The following LRP10 variants were observed in gnomAD, a reference collection of about 807,000 sequenced individuals.
LRP10 encodes low-density lipoprotein receptor-related protein 10.
Under a neutral mutation model 58.5 loss-of-function variants are expected in LRP10, and 42 were observed. That is an observed-to-expected ratio of 0.72 (90% CI 0.56 to 0.93). LRP10 has a LOEUF of 0.93. LRP10 is among the 40% of genes least tolerant of loss of function. The pLI, the probability that LRP10 is intolerant of heterozygous loss-of-function variation, is 0.00. For synonymous variants in LRP10, 377 were observed against 388.5 expected (o/e 0.97, Z 0.35); for missense variants, 872 against 940.1 (o/e 0.93, Z 0.95).
At chr14:22,872,468 G>A in intron 1 of LRP10, 131 bp downstream of exon 1, 1 of 1,057,528 alleles carries the variant, frequency 9.5e-7, no homozygotes, top group Non-Finnish European at 1.4e-6. Flanking sequence ...CCCCAGCACT[G>A]CCGGCCCCAA....
At position 22,876,380 on chromosome 14, in the gene LRP10, G is replaced by A. The variant is rs146010729; in HGVS notation, c.1424+8G>A. 107 of 1,611,494 alleles carry A rather than the reference G, an allele frequency of 6.6e-5. 1 individual carries two copies. In the East Asian group the frequency reaches 2.0e-3, roughly 30 times the overall value. ...TCGCACCCAGGAGTACAGGTCAGTG[G>A]GAGTGGGGCTGGCAGTAGAAGAGTA... On this transcript the variant is annotated splice_region_variant and intron_variant, in intron 5 of 6. Coordinates refer to ENST00000359591, the MANE Select transcript of LRP10 (RefSeq NM_014045.5).
chr14:22,875,715 C>T lies in LRP10; in HGVS notation c.767C>T (p.Pro256Leu), dbSNP rs777356161. 1.9e-6 allele frequency: 3 copies of T among 1,613,754 alleles called. No homozygotes were observed. The highest frequency in any genetic ancestry group is 8.5e-7 in the Non-Finnish European group (1 of 1,179,788). ...CATGTGTATGACGGCCCTGGGCCCC[C>T]TGAGAGCTCCCGACTACTGCGTAGT... ...AVHVYDGPGPPESSRLLRSLT... is the reference protein window; with the variant it reads ...AVHVYDGPGPLESSRLLRSLT... Residue 256 changes from proline (P) to leucine (L), a missense_variant, in exon 5 of 7, where the codon CCT (proline) becomes CTT (leucine). By Grantham distance (98) the Pro-to-Leu change is moderately conservative. Transcript: ENST00000359591.
rs2039962029 is a variant in LRP10, at chr14:22,872,251, C to T, written c.-53C>T. 2 of 1,604,624 alleles carry T rather than the reference C, an allele frequency of 1.2e-6. No individual in the cohort carries two copies. Among genetic ancestry groups the T allele is most frequent in the South Asian group, 2.2e-5 (2 of 90,902 alleles). On this transcript the variant is annotated 5_prime_UTR_variant, in exon 1 of 7. Transcript: ENST00000359591. Reference sequence around the variant, plus strand: ...GCCCGGGGCTCCGCCGCGACCCCATCGGGTAGACCACAGAAGCTCCGGGAC... The same window carrying T: ...GCCCGGGGCTCCGCCGCGACCCCATTGGGTAGACCACAGAAGCTCCGGGAC...
intron 2 of LRP10, chr14:22,873,054 C>T (rs2039972074): frequency 1.7e-6 from 1 of 599,578 alleles, no homozygotes; most frequent in East Asian, 2.8e-5. Flanking sequence ...TCCTGCTCCT[C>T]CTGGTTCAGT....
Position 22,877,131 on chromosome 14 carries a change from C to G in LRP10, c.1746C>G (p.Val582=), listed in dbSNP as rs774124886. ...GGGCCTCTGAGGCCAGATCCCAGGT[C>G]ACACCTTCTGCTGCTCCCCTTGAGG... ...PARASEARSQ[V]TPSAAPLEAL... Residue 582 remains valine (V), a synonymous_variant, in exon 7 of 7, where the codon GTC becomes GTG. Transcript: ENST00000359591. This position sits in a 1 kb window ranked among gnomAD's most constrained non-coding sequence, Gnocchi z 5.1. The G allele has an allele frequency of 5.0e-6, 8 of 1,611,452 alleles. No homozygotes were observed. In the East Asian group the frequency reaches 1.6e-4, roughly 31 times the overall value.
Position 22,873,445 on chromosome 14 carries a change from A to T in LRP10, c.214A>T (p.Arg72Trp), listed in dbSNP as rs1322080500. Residue 72 changes from arginine to tryptophan, a missense_variant and splice_region_variant, in exon 3 of 7, where the codon AGG becomes TGG. Arg to Trp is a moderately radical substitution (Grantham distance 101). Coordinates refer to ENST00000359591, the MANE Select transcript of LRP10 (RefSeq NM_014045.5). Reference sequence around the variant, plus strand: ...CAGCAAGGAACAGACTGTCACCATCAGGTGAGAAGCAGAACAAGAGCAAGA... The same window carrying T: ...CAGCAAGGAACAGACTGTCACCATCTGGTGAGAAGCAGAACAAGAGCAAGA... ...LGSKEQTVTI[R>W]FQKLHLACGS... The T allele has an allele frequency of 6.2e-7, 1 of 1,613,872 alleles. No homozygotes were observed. The highest frequency in any genetic ancestry group is 1.1e-5 in the South Asian group (1 of 91,062).
rs758132553 is a variant in LRP10 at position 22,881,434 on chromosome 14, A to G, written c.*3907A>G. ...TATCTGCAATATAATAATTTTCTGC[A>G]TAACTGAGGATCATTCACAGAAACC... On this transcript the variant is annotated 3_prime_UTR_variant, in exon 7 of 7. Coordinates refer to ENST00000359591, the MANE Select transcript of LRP10 (RefSeq NM_014045.5). The G allele has an allele frequency of 7.9e-5, 12 of 152,272 alleles. No homozygotes were observed. Among genetic ancestry groups the G allele is most frequent in the African/African-American group, 1.2e-4 (5 of 41,468 alleles). The allele number at this position is 152,272 out of a possible 1,614,324, so 9.4% of individuals were successfully genotyped here.
chr14:22,877,870 C>T lies in LRP10; in HGVS notation c.*343C>T, dbSNP rs1473170827. Reference sequence around the variant, plus strand: ...TGGACACTCCATCCTTGCCAAACCTCTACCCAAAAGTGGCCTTAAGCACCG... The same window carrying T: ...TGGACACTCCATCCTTGCCAAACCTTTACCCAAAAGTGGCCTTAAGCACCG... On this transcript the variant is annotated 3_prime_UTR_variant, in exon 7 of 7. Coordinates refer to ENST00000359591, the MANE Select transcript of LRP10 (RefSeq NM_014045.5). The surrounding 1 kb of genome is among the most constrained non-coding windows in gnomAD (Gnocchi z 5.1). The T allele has an allele frequency of 5.1e-6, 1 of 196,852 alleles. No individual in the cohort carries two copies. The highest frequency in any genetic ancestry group is 1.0e-5 in the Non-Finnish European group (1 of 97,788). 12.2% of individuals were successfully genotyped at this position (196,852 alleles called of 1,614,324 possible). A position where few individuals can be genotyped will look rare whatever the true frequency, so the allele number is the denominator to read the frequency against.
rs1182438913 is a variant in LRP10, at chr14:22,871,923, C to T, written c.-381C>T. The T allele has an allele frequency of 3.1e-6, 1 of 324,470 alleles. No homozygotes were observed. Among genetic ancestry groups the T allele is most frequent in the Non-Finnish European group, 5.7e-6 (1 of 174,494 alleles). 20.1% of individuals were successfully genotyped at this position (324,470 alleles called of 1,614,324 possible). On this transcript the variant is annotated 5_prime_UTR_variant, in exon 1 of 7. Coordinates refer to ENST00000359591, the MANE Select transcript of LRP10 (RefSeq NM_014045.5). ...GGGCTGACAGTCGGCAAAGTTTGGC[C>T]CGAAGAGGAAGTGGTCTCAAACCCC...
rs957177438 is a variant in LRP10 at position 22,875,074 on chromosome 14, G to A, written c.235G>A (p.Ala79Thr). The A allele has an allele frequency of 6.3e-7, 1 of 1,586,276 alleles. No individual in the cohort carries two copies. Among genetic ancestry groups the A allele is most frequent in the Non-Finnish European group, 8.6e-7 (1 of 1,165,160 alleles). The stretch of plus-strand genomic sequence containing the variant: ...CCATAGGTTCCAGAAGCTACACCTG[G>A]CCTGTGGCTCAGAGCGCTTAACCCT... ...VTIRFQKLHL[A>T]CGSERLTLRS... Residue 79 changes from alanine (A) to threonine (T), a missense_variant, in exon 4 of 7, where the codon GCC becomes ACC. Transcript: ENST00000359591.
chr14:22,876,865 T>G lies in LRP10; in HGVS notation c.1554+47T>G, dbSNP rs183589695. 149 of 1,605,312 alleles carry G rather than the reference T, an allele frequency of 9.3e-5. No individual in the cohort carries two copies. In the East Asian group the frequency reaches 3.0e-3, roughly 33 times the overall value. The stretch of plus-strand genomic sequence containing the variant: ...TAGCACCTCCTGGTCCCAGTTCTGC[T>G]GTGGCCCCGCCCCTGTACCCTCCTT... On this transcript the variant is annotated intron_variant, in intron 6 of 6. Transcript: ENST00000359591.
Position 22,875,767 on chromosome 14 carries a change from T to C in LRP10, c.819T>C (p.Ala273=). The C allele has an allele frequency of 6.2e-7, 1 of 1,614,166 alleles. No homozygotes were observed. The highest frequency in any genetic ancestry group is 8.5e-7 in the Non-Finnish European group (1 of 1,179,994). Reference sequence around the variant, plus strand: ...TCACCCACTTCAGCAATGGCAAGGCTGTCACTGTGGAGACACTGTCTGGCC... The same window carrying C: ...TCACCCACTTCAGCAATGGCAAGGCCGTCACTGTGGAGACACTGTCTGGCC... ...RSLTHFSNGK[A]VTVETLSGQA... Residue 273 remains alanine (A), a synonymous_variant, in exon 5 of 7, where the codon GCT becomes GCC. Transcript: ENST00000359591.
In LRP10 at chr14:22,877,157, C is replaced by G; in HGVS notation, c.1772C>G (p.Ala591Gly). 1 of 1,605,792 alleles carries G rather than the reference C, an allele frequency of 6.2e-7. No individual in the cohort carries two copies. The highest frequency in any genetic ancestry group is 8.5e-7 in the Non-Finnish European group (1 of 1,175,888). The change falls in exon 7 of 7, where the codon GCC becomes GGC. Residue 591 changes from alanine to glycine, a missense_variant. By Grantham distance (60) the Ala-to-Gly change is moderately conservative. Transcript: ENST00000359591. This position sits in a 1 kb window ranked among gnomAD's most constrained non-coding sequence, Gnocchi z 5.1. ...QVTPSAAPLEALDGGTGPARE... is the reference protein window; with the variant it reads ...QVTPSAAPLEGLDGGTGPARE... The stretch of plus-strand genomic sequence containing the variant: ...ACACCTTCTGCTGCTCCCCTTGAGG[C>G]CCTAGATGGTGGCACAGGTCCAGCC...
At chr14:22,876,518 A>G in intron 5 of LRP10, 146 bp downstream of exon 5, 3 of 1,316,880 alleles carry the variant, frequency 2.3e-6, no homozygotes, top group Non-Finnish European at 2.1e-6. Context: ...GGACAGGTCC[A>G]GATCCTGAAA....
Position 22,877,761 on chromosome 14 carries a change from TCC to T in LRP10, c.*236_*237del. On this transcript the variant is annotated 3_prime_UTR_variant, in exon 7 of 7. Transcript: ENST00000359591. The surrounding 1 kb of genome is among the most constrained non-coding windows in gnomAD (Gnocchi z 5.1). ...ACGTGGCCATGGCCAGACACCCCAG[TCC>T]CTTCACCACCACCTGCTCCCCACGC... The T allele has an allele frequency of 2.3e-6, 1 of 427,016 alleles. No homozygotes were observed. Among genetic ancestry groups the T allele is most frequent in the African/African-American group, 2.0e-5 (1 of 49,336 alleles). 26.5% of individuals were successfully genotyped at this position (427,016 alleles called of 1,614,324 possible).
In LRP10 at chr14:22,872,148, C is replaced by T; in HGVS notation, c.-156C>T. On this transcript the variant is annotated 5_prime_UTR_variant, in exon 1 of 7. Transcript: ENST00000359591. ...CCGGGCTGCCGCCGCCTCCCCGCCC[C>T]CAGCCCTGGCATCCAGAGTACGGGT... is the stretch of plus-strand genomic sequence containing the variant. The T allele has an allele frequency of 1.4e-6, 1 of 730,216 alleles. No homozygotes were observed. The allele number at this position is 730,216 out of a possible 1,614,324, so 45.2% of individuals were successfully genotyped here.
At position 22,877,456 on chromosome 14, in the gene LRP10, G is replaced by A. The variant is rs772849013; in HGVS notation, c.2071G>A (p.Val691Met). 4 of 1,613,296 alleles carry A rather than the reference G, an allele frequency of 2.5e-6. No individual in the cohort carries two copies. Among genetic ancestry groups the A allele is most frequent in the Admixed American group, 1.7e-5 (1 of 60,004 alleles). The change falls in exon 7 of 7, where the codon GTG becomes ATG. Residue 691 changes from valine to methionine, a missense_variant. Physicochemically the swap from Val to Met is conservative, Grantham distance 21. Transcript: ENST00000359591. This position sits in a 1 kb window ranked among gnomAD's most constrained non-coding sequence, Gnocchi z 5.1. The stretch of plus-strand genomic sequence containing the variant: ...CCTGGCCCTGGAAGATGAGGACGAT[G>A]TGCTACTGGTGCCACTGGCTGAGCC... ...AVLALEDEDD[V>M]LLVPLAEPGV...
chr14:22,874,938 C>T, intron 3 of LRP10, 117 bp from the exon 4 acceptor site: 1 of 594,518 alleles, frequency 1.7e-6, no homozygotes, highest in Non-Finnish European at 2.7e-6. Flanking sequence ...CCATTTAGAT[C>T]ATGGATAAGC....
In LRP10 at chr14:22,872,467, T is replaced by G. The variant is rs1595027354; in HGVS notation, c.34+130T>G. 4.5e-6 allele frequency: 4 copies of G among 886,108 alleles called. No homozygotes were observed. The East Asian group carries it at 1.3e-4, about 28-fold the overall frequency. 54.9% of individuals were successfully genotyped at this position (886,108 alleles called of 1,614,324 possible). A position where few individuals can be genotyped will look rare whatever the true frequency, so the allele number is the denominator to read the frequency against. ...CAGCCCCTGCCGCCAGCCCCAGCACTGCCGGCCCCAACCCCCAGGAAGTCT... is the reference window on the plus strand; with the variant it reads ...CAGCCCCTGCCGCCAGCCCCAGCACGGCCGGCCCCAACCCCCAGGAAGTCT... On this transcript the variant is annotated intron_variant, in intron 1 of 6. Coordinates refer to ENST00000359591, the MANE Select transcript of LRP10 (RefSeq NM_014045.5).
Sources: gnomAD v4.1 joint callset for allele counts on GRCh38, gnomAD v4.1.1 for gene constraint, Gnocchi (gnomAD v3.1) non-coding constraint, MANE v1.5 for transcripts, NCBI Gene and HGNC (gene_info 2026-07-23, HGNC 2026-07-21) for gene names.